EMSY: variants seen among roughly 807,000 people sequenced by gnomAD.
The protein encoded by EMSY is BRCA2-interacting transcriptional repressor EMSY.
In EMSY, 26 loss-of-function variants were observed where a neutral mutation model predicts 134.6. The ratio of observed to expected loss-of-function variants is 0.19; its 90% confidence interval spans 0.14 to 0.27. EMSY has a LOEUF of 0.27. Ranked by LOEUF, EMSY falls within the 10% of genes least tolerant of loss-of-function variation. The pLI is 1.00. For missense variants in EMSY, 1,305 were observed against 1,611.4 expected, an observed-to-expected ratio of 0.81 and a Z score of 3.26; for synonymous variants, 579 against 577.8, an observed-to-expected ratio of 1.00 and a Z score of -0.03.
chr11:76,516,046 C>G, intron 10 of EMSY, 96 bp from the exon 12 acceptor site: 1 of 1,070,210 alleles, frequency 9.3e-7, no homozygotes, highest in Non-Finnish European at 1.3e-6. Context: ...CAAGTTATAG[C>G]AATGTAGATT....
chr11:76,445,438 C>A (rs545595692), intron 1 of EMSY, among the ~76,000 whole-genome samples: 1 of 152,124 alleles, frequency 6.6e-6, no homozygotes, highest in African/African-American at 2.4e-5. Context: ...CGGCCGGGAC[C>A]CCTGACAACA....
intron 4 of EMSY, among the ~76,000 whole-genome samples, chr11:76,456,731 A>G (rs1947888102): frequency 1.3e-5 from 2 of 152,166 alleles, no homozygotes; most frequent in African/African-American, 2.4e-5. Context: ...CCATAAAGGA[A>G]TTTACACATT....
At chr11:76,449,110 G>A (rs111856246) in intron 2 of EMSY, among the ~76,000 whole-genome samples, 1,874 of 152,128 alleles carry the variant, frequency 0.012, 30 homozygotes, top group African/African-American at 0.041. Flanking sequence ...CAAATCTTTC[G>A]TTTTTGGAAT....
chr11:76,490,440 C>A (rs149716782), intron 8 of EMSY, among the ~76,000 whole-genome samples: 7 of 152,208 alleles, frequency 4.6e-5, no homozygotes, highest in African/African-American at 1.4e-4. Flanking sequence ...TGACGAGAGG[C>A]GGAAAAATTA....
rs554786467 is a variant in EMSY at position 76,538,018 on chromosome 11, G to A, written c.2515+68G>A. ...CCTTCCTGGATTTCATGGGATGATT[G>A]TGTGGGGGAGAATATATTCTTTATA... On this transcript the variant is annotated intron_variant, in intron 16 of 20. Coordinates refer to ENST00000334736, the Ensembl canonical transcript of EMSY. 36 of 1,324,190 alleles carry A rather than the reference G, an allele frequency of 2.7e-5. No individual in the cohort carries two copies. The African/African-American group carries it at 3.5e-4, about 13-fold the overall frequency. 82.0% of individuals were successfully genotyped at this position (1,324,190 alleles called of 1,614,324 possible). A position where few individuals can be genotyped will look rare whatever the true frequency, so the allele number is the denominator to read the frequency against.
intron 9 of EMSY, among the ~76,000 whole-genome samples, chr11:76,502,252 A>G (rs1321696631): frequency 2.1e-5 from 3 of 140,978 alleles, no homozygotes; most frequent in Non-Finnish European, 4.6e-5. Flanking sequence ...CTTATATTCC[A>G]TATTATACCA....
chr11:76,450,866 T>G (rs541454232), intron 2 of EMSY, among the ~76,000 whole-genome samples: 1 of 149,838 alleles, frequency 6.7e-6, no homozygotes, highest in African/African-American at 2.5e-5. Context: ...TGATCACAGC[T>G]CACTGCATCC....
At chr11:76,486,194 T>C (rs1949172550) in intron 8 of EMSY, among the ~76,000 whole-genome samples, 1 of 151,892 alleles carries the variant, frequency 6.6e-6, no homozygotes, top group South Asian at 2.1e-4. Flanking sequence ...AAGTGGGAGT[T>C]GAACAATGAG....
At position 76,464,144 on chromosome 11, in the gene EMSY, A is replaced by G. The variant is rs935419283; in HGVS notation, c.831+64A>G. 4 of 1,578,506 alleles carry G rather than the reference A, an allele frequency of 2.5e-6. No homozygotes were observed. In the African/African-American group the frequency reaches 5.4e-5, roughly 21 times the overall value. On this transcript the variant is annotated intron_variant, in intron 7 of 20. Coordinates refer to ENST00000334736, the Ensembl canonical transcript of EMSY. Reference sequence around the variant, plus strand: ...TTTCAGACAGTATGATTCAGATTTAATAAACATGCACTGAGTGCTTACTAT... The same window carrying G: ...TTTCAGACAGTATGATTCAGATTTAGTAAACATGCACTGAGTGCTTACTAT...
At chr11:76,473,805 T>C (rs1225799283) in intron 8 of EMSY, among the ~76,000 whole-genome samples, 1 of 151,324 alleles carries the variant, frequency 6.6e-6, no homozygotes, top group Non-Finnish European at 1.5e-5. Context: ...GCCTGGCCTG[T>C]AACATGGTGA....
intron 17 of EMSY, 90 bp downstream of exon 18, chr11:76,539,730 A>C (rs1342972031): frequency 8.1e-7 from 1 of 1,231,622 alleles, no homozygotes; most frequent in Non-Finnish European, 1.2e-6. Flanking sequence ...CTCTACTCTC[A>C]TCTGGTAGAG....
intron 1 of EMSY, among the ~76,000 whole-genome samples, chr11:76,446,347 G>GTATATA (rs1947401951): frequency 3.9e-5 from 1 of 25,796 alleles, no homozygotes; most frequent in African/African-American, 1.6e-4. Flanking sequence ...ATATATATAT[G>GTATATA]TGTATATATA....
intron 1 of EMSY, 22 bp from the exon 2 acceptor site, chr11:76,446,878 C>CTTTTTT: frequency 8.6e-7 from 1 of 1,168,328 alleles, no homozygotes; most frequent in Admixed American, 2.3e-5. Context: ...GGTAATTTGA[C>CTTTTTT]TTTTTTTTTT....
At chr11:76,466,099 C>T (rs1201663740) in intron 7 of EMSY, among the ~76,000 whole-genome samples, 1 of 151,816 alleles carries the variant, frequency 6.6e-6, no homozygotes, top group African/African-American at 2.4e-5. Flanking sequence ...CTGTTTTTAG[C>T]GTAGTACCTG....
At chr11:76,544,188 A>T in intron 18 of EMSY, 71 bp from the exon 20 acceptor site, 1 of 1,420,818 alleles carries the variant, frequency 7.0e-7, no homozygotes, top group South Asian at 1.4e-5. Flanking sequence ...AGTCTTTTTC[A>T]GTTAAGAGGA....
intron 6 of EMSY, among the ~76,000 whole-genome samples, chr11:76,462,063 C>G (rs1448620025): frequency 6.6e-6 from 1 of 151,222 alleles, no homozygotes; most frequent in East Asian, 2.0e-4. Context: ...ATGGTGAAAC[C>G]TCATCTCTAC....
exon 5 of EMSY, chr11:76,458,299 A>T (rs767677881): frequency 6.2e-7 from 1 of 1,614,104 alleles, no homozygotes; most frequent in East Asian, 2.2e-5. Context: ...GCTGTTGCTA[A>T]TGCAGCTATC....
chr11:76,502,287 CAAAAAAAAAAAAAA>C (rs34882734), intron 9 of EMSY, among the ~76,000 whole-genome samples: 2 of 8,530 alleles, frequency 2.3e-4, no homozygotes, highest in Non-Finnish European at 4.9e-4. Flanking sequence ...AGAAAATGGG[CAAAAAAAAAAAAAA>C]AAAAAAAAAA....
intron 8 of EMSY, among the ~76,000 whole-genome samples, chr11:76,484,218 T>C (rs1052880806): frequency 2.6e-5 from 4 of 152,120 alleles, no homozygotes; most frequent in Non-Finnish European, 4.4e-5. Context: ...AAAGACACAA[T>C]GTACCAGAAT....
Sources: gnomAD v4.1 joint callset for allele counts (sites outside exome capture counted in the v4.1 genomes callset) on GRCh38, gnomAD v4.1.1 for gene constraint, MANE v1.5 for transcripts, NCBI Gene and HGNC (gene_info 2026-07-23, HGNC 2026-07-21) for gene names.